CTSH: variants seen among roughly 807,000 people sequenced by gnomAD.
CTSH encodes the protein pro-cathepsin H.
In CTSH, 52 loss-of-function variants were observed where a neutral mutation model predicts 56.3. The ratio of observed to expected loss-of-function variants is 0.92; its 90% CI spans 0.74 to 1.16. The LOEUF is 1.16. Among genes scored for constraint, CTSH ranks in the 50% most tolerant of loss-of-function variants. CTSH has a pLI of 0.00. For synonymous variants in CTSH, 174 were observed against 155.7 expected (o/e 1.12, Z -0.88); for missense variants, 406 against 424.5 (o/e 0.96, Z 0.38).
intron 3 of CTSH, chr15:78,937,064 C>A: frequency 2.1e-6 from 1 of 467,714 alleles, no homozygotes; most frequent in South Asian, 2.4e-5. Flanking sequence ...CCTCAGATGG[C>A]AGGAATGGGG....
chr15:78,944,287 C>G (rs893724713), intron 1 of CTSH, among the ~76,000 whole-genome samples: 29 of 152,232 alleles, frequency 1.9e-4, no homozygotes, highest in Non-Finnish European at 2.9e-5. Flanking sequence ...CAGCACGAAG[C>G]TGGACCAGTC....
At chr15:78,929,565 T>C (rs2289697) in intron 7 of CTSH, 72 bp from the exon 8 acceptor site, 108,401 of 1,058,826 alleles carry the variant, frequency 0.1, 6,393 homozygotes, top group East Asian at 0.27. Flanking sequence ...GGGACTGGCG[T>C]GGCGAGATAT....
chr15:78,931,504 C>T lies in CTSH; in HGVS notation c.495G>A (p.Ala165=), dbSNP rs140674602. The T allele has an allele frequency of 1.1e-4, 175 of 1,614,216 alleles. No homozygotes were observed. The African/African-American group carries it at 2.0e-3, about 19-fold the overall frequency. ...AIATGKMLSL[A]EQQLVDCAQD... ...GGGCGCAGTCCACCAGCTGCTGTTC[C>T]GCCTGGAAGAAGGACACAACCCAGT... Residue 165 remains alanine, a splice_region_variant and synonymous_variant, in exon 7 of 12, where the codon GCG becomes GCA. Coordinates refer to ENST00000220166, the MANE Select transcript of CTSH (RefSeq NM_004390.5).
chr15:78,937,302 A>G lies in CTSH; in HGVS notation c.229+16T>C, dbSNP rs62013199. On this transcript the variant is annotated intron_variant, in intron 3 of 11. Coordinates refer to ENST00000220166, the MANE Select transcript of CTSH (RefSeq NM_004390.5). Reference sequence around the variant, plus strand: ...ACTGACATCCTTCCAGGAAGGAAGGAAGGCGTTCCACGTACTTTTAAATGT... The same window carrying G: ...ACTGACATCCTTCCAGGAAGGAAGGGAGGCGTTCCACGTACTTTTAAATGT... 0.1 allele frequency: 161,211 copies of G among 1,604,196 alleles called. 9,096 individuals are homozygous for G. The highest frequency in any genetic ancestry group is 0.2 in the African/African-American group (15,324 of 74,754).
At chr15:78,942,348 G>C (rs1349296884) in intron 1 of CTSH, among the ~76,000 whole-genome samples, 1 of 151,976 alleles carries the variant, frequency 6.6e-6, no homozygotes, top group East Asian at 1.9e-4. Context: ...AAGTAGCTGG[G>C]ATTACAGGTG....
chr15:78,924,323 A>G (rs1410186509), intron 10 of CTSH, among the ~76,000 whole-genome samples: 1 of 152,060 alleles, frequency 6.6e-6, no homozygotes, highest in Non-Finnish European at 1.5e-5. Flanking sequence ...GGTGTGTTCA[A>G]AGGTTGGCGT....
intron 6 of CTSH, chr15:78,932,113 A>C: frequency 8.1e-7 from 1 of 1,232,848 alleles, no homozygotes. Context: ...TCCGCCGGGA[A>C]GGCTCCAGGC....
intron 3 of CTSH, among the ~76,000 whole-genome samples, chr15:78,936,342 C>T (rs1462180489): frequency 3.3e-5 from 5 of 151,948 alleles, no homozygotes; most frequent in East Asian, 1.9e-4. Flanking sequence ...CCACCATGCC[C>T]GGCTAAGTTT....
intron 1 of CTSH, among the ~76,000 whole-genome samples, chr15:78,941,795 C>A (rs912389437): frequency 0.012 from 1,503 of 120,988 alleles, no homozygotes; most frequent in East Asian, 0.019. Context: ...GACTCCGTCT[C>A]AAAAAAAAAA....
chr15:78,944,739 C>T (rs566398046), intron 1 of CTSH, 152 bp downstream of exon 1: 2 of 1,333,432 alleles, frequency 1.5e-6, no homozygotes, highest in East Asian at 3.0e-5. Flanking sequence ...TGCAGTTTAC[C>T]CCTCCCCGTG....
intron 10 of CTSH, 109 bp downstream of exon 10, chr15:78,925,225 C>A: frequency 1.4e-6 from 1 of 694,442 alleles, no homozygotes; most frequent in Non-Finnish European, 2.6e-6. Context: ...CATGAAGGGT[C>A]TGACACACAG....
chr15:78,921,956 C>T lies in CTSH; in HGVS notation c.*174G>A. ...TTTGCGTCATAGACACGGGTGAGCT[C>T]ATGGTGGAACTCCTCCTTGTCTGTA... is the stretch of plus-strand genomic sequence containing the variant. On this transcript the variant is annotated 3_prime_UTR_variant, in exon 12 of 12. Transcript: ENST00000220166. 4.9e-6 allele frequency: 3 copies of T among 612,022 alleles called. No individual in the cohort carries two copies. The highest frequency in any genetic ancestry group is 4.0e-5 in the South Asian group (2 of 50,098). The allele number at this position is 612,022 out of a possible 1,614,324, so 37.9% of individuals were successfully genotyped here. A position where few individuals can be genotyped will look rare whatever the true frequency, so the allele number is the denominator to read the frequency against.
chr15:78,929,553 C>T lies in CTSH; in HGVS notation c.549-60G>A, dbSNP rs564659173. The T allele has an allele frequency of 1.7e-4, 211 of 1,219,324 alleles. 1 individual carries two copies. The African/African-American group carries it at 2.5e-3, about 14-fold the overall frequency. 75.5% of individuals were successfully genotyped at this position (1,219,324 alleles called of 1,614,324 possible). ...GCTGTCCTGATAGAGGCGGGGCCCT[C>T]GGGGACTGGCGTGGCGAGATATCTG... is the stretch of plus-strand genomic sequence containing the variant. On this transcript the variant is annotated intron_variant, in intron 7 of 11. Coordinates refer to ENST00000220166, the MANE Select transcript of CTSH (RefSeq NM_004390.5).
At chr15:78,923,584 C>T (rs567335716) in intron 10 of CTSH, among the ~76,000 whole-genome samples, 19 of 152,272 alleles carry the variant, frequency 1.2e-4, no homozygotes, top group East Asian at 3.9e-4. Context: ...CCACCGCACC[C>T]GGCCCTTTCA....
In CTSH at chr15:78,924,098, G is replaced by GC. The variant is rs1429711535; in HGVS notation, c.807-981_807-980insG. Among the ~76,000 whole-genome samples the GC allele has an allele frequency of 7.9e-3, 69 of 8,718 alleles. 1 individual carries two copies. Among genetic ancestry groups the GC allele is most frequent in the African/African-American group, 0.023 (67 of 2,950 alleles). The allele number at this position is 8,718 out of a possible 152,430, so 5.7% of individuals were successfully genotyped here. A position where few individuals can be genotyped will look rare whatever the true frequency, so the allele number is the denominator to read the frequency against. ...GAGGTGGGGGGGATCCAACCCAGCG[G>GC]GGGGGGGGGGGAGGGTGGGCAGGGT... On this transcript the variant is annotated intron_variant, in intron 10 of 11. Coordinates refer to ENST00000220166, the MANE Select transcript of CTSH (RefSeq NM_004390.5).
chr15:78,934,082 G>T (rs2141541429), intron 5 of CTSH, among the ~76,000 whole-genome samples: 2 of 152,292 alleles, frequency 1.3e-5, no homozygotes, highest in East Asian at 3.9e-4. Flanking sequence ...ACGGGGCAAA[G>T]GCAGGCTTCT....
At chr15:78,928,563 T>TC (rs1454179211) in intron 8 of CTSH, among the ~76,000 whole-genome samples, 2 of 43,370 alleles carry the variant, frequency 4.6e-5, no homozygotes, top group African/African-American at 2.8e-4. Flanking sequence ...AGACTCCGTC[T>TC]CAAAAAAAAA....
chr15:78,934,380 C>T (rs536840775), intron 5 of CTSH, among the ~76,000 whole-genome samples: 1 of 152,180 alleles, frequency 6.6e-6, no homozygotes. Context: ...CGCAGCAGGC[C>T]GGGAGAACAG....
Position 78,921,928 on chromosome 15 carries a change from A to ATCTT in CTSH, c.*198_*201dup, listed in dbSNP as rs1239246876. The ATCTT allele has an allele frequency of 3.4e-6, 2 of 586,536 alleles. No individual in the cohort carries two copies. The highest frequency in any genetic ancestry group is 6.1e-6 in the Non-Finnish European group (2 of 329,256). The allele number at this position is 586,536 out of a possible 1,614,324, so 36.3% of individuals were successfully genotyped here. ...AGGACACTAAGGCACATGGCTGGTG[A>ATCTT]TCTTTGCGTCATAGACACGGGTGAG... On this transcript the variant is annotated 3_prime_UTR_variant, in exon 12 of 12. Coordinates refer to ENST00000220166, the MANE Select transcript of CTSH (RefSeq NM_004390.5).
Sources: allele counts gnomAD v4.1 joint callset (sites outside exome capture counted in the v4.1 genomes callset), GRCh38; gene constraint gnomAD v4.1.1; transcripts MANE v1.5; gene names NCBI Gene and HGNC (gene_info 2026-07-23, HGNC 2026-07-21).